TSPAN9: variants seen among roughly 807,000 people sequenced by gnomAD.
TSPAN9 encodes tetraspanin-9.
Under a neutral mutation model 31.0 loss-of-function variants are expected in TSPAN9, and 16 were observed. The observed-to-expected ratio is 0.52, with a 90% CI of 0.35 to 0.78. The LOEUF (loss-of-function observed/expected upper bound fraction) is 0.78. Among genes scored for constraint, TSPAN9 ranks in the 30% least tolerant of loss-of-function variants. The pLI is 0.01. For synonymous variants in TSPAN9, 145 were observed against 121.6 expected, an observed-to-expected ratio of 1.19 and a Z score of -1.27; for missense variants, 272 against 312.5, an observed-to-expected ratio of 0.87 and a Z score of 0.98.
intron 2 of TSPAN9, among the ~76,000 whole-genome samples, chr12:3,186,041 G>A (rs2098361150): frequency 6.6e-6 from 1 of 152,146 alleles, no homozygotes; most frequent in African/African-American, 2.4e-5. Flanking sequence ...AATGAAGTGC[G>A]AAGGTGGGAT....
At chr12:3,281,095 C>G (rs1862883589) in intron 6 of TSPAN9, 103 bp from the exon 7 acceptor site, 2 of 1,513,116 alleles carry the variant, frequency 1.3e-6, no homozygotes, top group Non-Finnish European at 1.8e-6. Flanking sequence ...TGCAGGGTGG[C>G]CACTTTTGCG....
intron 2 of TSPAN9, among the ~76,000 whole-genome samples, chr12:3,140,211 C>G (rs137957908): frequency 5.9e-5 from 9 of 152,056 alleles, no homozygotes; most frequent in African/African-American, 2.2e-4. Flanking sequence ...AATGCTGTAG[C>G]GGTTGACCTG....
At chr12:3,262,353 GCT>G (rs889535817) in intron 3 of TSPAN9, among the ~76,000 whole-genome samples, 14 of 150,718 alleles carry the variant, frequency 9.3e-5, no homozygotes, top group Admixed American at 1.3e-4. Flanking sequence ...GCCCTCCTCG[GCT>G]CTCTCTGGCT....
At chr12:3,109,378 G>C (rs2098317086) in intron 2 of TSPAN9, among the ~76,000 whole-genome samples, 1 of 151,042 alleles carries the variant, frequency 6.6e-6, no homozygotes, top group Non-Finnish European at 1.5e-5. Flanking sequence ...CAGAAGTCTA[G>C]TGATCCTTGG....
At position 3,172,158 on chromosome 12, in the gene TSPAN9, C is replaced by T. The variant is rs1162833983; in HGVS notation, c.-17-29019C>T. 2 of 152,358 alleles carry T rather than the reference C, an allele frequency of 1.3e-5. No homozygotes were observed. Among genetic ancestry groups the T allele is most frequent in the African/African-American group, 2.4e-5 (1 of 41,476 alleles). The allele number at this position is 152,358 out of a possible 1,614,324, so 9.4% of individuals were successfully genotyped here. On this transcript the variant is annotated intron_variant, in intron 2 of 8. Transcript: ENST00000011898. This position sits in a 1 kb window ranked among gnomAD's most constrained non-coding sequence, Gnocchi z 4.8. ...ATATCTCCCAGGCTTTTCATTTCTCCTCTTCCTCCCTGGCCCTCTGGTAGC... is the reference window on the plus strand; with the variant it reads ...ATATCTCCCAGGCTTTTCATTTCTCTTCTTCCTCCCTGGCCCTCTGGTAGC...
chr12:3,179,534 A>C (rs1202832678), intron 2 of TSPAN9, among the ~76,000 whole-genome samples: 1 of 152,028 alleles, frequency 6.6e-6, no homozygotes, highest in African/African-American at 2.4e-5. Context: ...GGTGGTGTCT[A>C]CTCTAGACAT....
intron 3 of TSPAN9, among the ~76,000 whole-genome samples, chr12:3,226,738 GTGTGTGTATATATATATATATATATA>G (rs1315143346): frequency 0.031 from 325 of 10,582 alleles, 40 homozygotes; most frequent in Non-Finnish European, 0.033. Flanking sequence ...GTGTGTGTGT[GTGTGTGTATATATATATATATATATA>G]TATATATATA....
At chr12:3,133,391 T>TC (rs2098330680) in intron 2 of TSPAN9, among the ~76,000 whole-genome samples, 1 of 151,700 alleles carries the variant, frequency 6.6e-6, no homozygotes, top group Non-Finnish European at 1.5e-5. Flanking sequence ...TTATATAATT[T>TC]TTTTTTGCTG....
intron 3 of TSPAN9, among the ~76,000 whole-genome samples, chr12:3,254,010 G>A (rs895846930): frequency 1.2e-4 from 19 of 152,178 alleles, no homozygotes; most frequent in East Asian, 9.6e-4. Context: ...GGATGATAGC[G>A]TCAAATGGGG....
chr12:3,175,734 C>T lies in TSPAN9; in HGVS notation c.-17-25443C>T, dbSNP rs539769660. ...TCTTGTTTCCAGGCCTCAGTTTCTC[C>T]TTCTGTGCTACCCTGCCCCACCTCC... On this transcript the variant is annotated intron_variant, in intron 2 of 8. Transcript: ENST00000011898. 8.5e-5 allele frequency among the ~76,000 whole-genome samples: 13 copies of T among 152,316 alleles called. No individual in the cohort carries two copies. The South Asian group carries it at 1.5e-3, about 17-fold the overall frequency.
At chr12:3,224,687 T>C (rs889255139) in intron 3 of TSPAN9, among the ~76,000 whole-genome samples, 5 of 152,228 alleles carry the variant, frequency 3.3e-5, no homozygotes, top group African/African-American at 1.2e-4. Flanking sequence ...CGTCTGCTCA[T>C]ACCCAGATGC....
At chr12:3,226,897 T>C (rs2098388129) in intron 3 of TSPAN9, among the ~76,000 whole-genome samples, 1 of 148,104 alleles carries the variant, frequency 6.8e-6, no homozygotes, top group Non-Finnish European at 1.5e-5. Context: ...TGTGCCTGGC[T>C]TCTCCTAATA....
In TSPAN9 at chr12:3,172,061, A is replaced by C. The variant is rs1355787760; in HGVS notation, c.-17-29116A>C. 1 of 152,232 alleles carries C rather than the reference A, an allele frequency of 6.6e-6. No homozygotes were observed. The highest frequency in any genetic ancestry group is 2.4e-5 in the African/African-American group (1 of 41,452). 9.4% of individuals were successfully genotyped at this position (152,232 alleles called of 1,614,324 possible). A position where few individuals can be genotyped will look rare whatever the true frequency, so the allele number is the denominator to read the frequency against. ...ATAACTCAGGCTGAGCTGGATGATA[A>C]ACGAAAGTGGGACAGAGCTGCAGGA... On this transcript the variant is annotated intron_variant, in intron 2 of 8. Coordinates refer to ENST00000011898, the MANE Select transcript of TSPAN9 (RefSeq NM_006675.5). This position sits in a 1 kb window ranked among gnomAD's most constrained non-coding sequence, Gnocchi z 4.8.
At chr12:3,191,248 A>C (rs1447925166) in intron 2 of TSPAN9, among the ~76,000 whole-genome samples, 5 of 151,374 alleles carry the variant, frequency 3.3e-5, no homozygotes, top group African/African-American at 1.2e-4. Flanking sequence ...CAGATTTTAA[A>C]CTGGCATCCA....
Position 3,247,304 on chromosome 12 carries a change from C to G in TSPAN9, c.64-31117C>G, listed in dbSNP as rs1174567099. Among the ~76,000 whole-genome samples, 48 of 46,696 alleles carry G rather than the reference C, an allele frequency of 1.0e-3. 9 individuals are homozygous for G. The highest frequency in any genetic ancestry group is 3.1e-3 in the Non-Finnish European group (33 of 10,744). 30.6% of individuals were successfully genotyped at this position (46,696 alleles called of 152,430 possible). A position where few individuals can be genotyped will look rare whatever the true frequency, so the allele number is the denominator to read the frequency against. ...CTGATGAGCATTACTGGCCAGCCCC[C>G]CCCCCCCCGCCACCCGCGTCCCCAA... On this transcript the variant is annotated intron_variant, in intron 3 of 8. Transcript: ENST00000011898.
At chr12:3,161,062 A>C (rs1292709488) in intron 2 of TSPAN9, among the ~76,000 whole-genome samples, 1 of 152,140 alleles carries the variant, frequency 6.6e-6, no homozygotes, top group Non-Finnish European at 1.5e-5. Flanking sequence ...CTCTACTAAA[A>C]ATACAAAATT....
intron 3 of TSPAN9, among the ~76,000 whole-genome samples, chr12:3,241,320 G>A (rs2098396441): frequency 6.6e-6 from 1 of 152,162 alleles, no homozygotes; most frequent in African/African-American, 2.4e-5. Flanking sequence ...GGGGGAAAGT[G>A]TTCACACTGT....
At chr12:3,173,525 T>G (rs2098353294) in intron 2 of TSPAN9, 1 of 152,278 alleles carries the variant, frequency 6.6e-6, no homozygotes, top group South Asian at 2.1e-4. Context: ...TTTTTATTTT[T>G]AGAGATGAGG....
intron 3 of TSPAN9, among the ~76,000 whole-genome samples, chr12:3,235,893 T>C (rs987289260): frequency 4.6e-5 from 7 of 152,202 alleles, no homozygotes; most frequent in African/African-American, 7.2e-5. Flanking sequence ...AGCACTTAAT[T>C]TGGGGGAGTC....
Sources: allele counts gnomAD v4.1 joint callset (sites outside exome capture counted in the v4.1 genomes callset), GRCh38; gene constraint gnomAD v4.1.1; non-coding constraint Gnocchi (gnomAD v3.1); transcripts MANE v1.5; gene names NCBI Gene and HGNC (gene_info 2026-07-23, HGNC 2026-07-21).